TMEM179: variants seen among roughly 807,000 people sequenced by gnomAD.
The protein encoded by TMEM179 is transmembrane protein 179.
TMEM179 carries 17 observed loss-of-function variants against 22.2 expected under a neutral mutation model. The ratio of observed to expected loss-of-function variants is 0.77; its 90% CI spans 0.52 to 1.15. The LOEUF (loss-of-function observed/expected upper bound fraction) is 1.15, where lower values mean the gene tolerates loss of function less well. Ranked by LOEUF, TMEM179 falls within the 50% of genes most tolerant of loss-of-function variation. TMEM179 has a pLI of 0.00. For synonymous variants in TMEM179, 127 were observed against 140.5 expected, an observed-to-expected ratio of 0.90 and a Z score of 0.68; for missense variants, 265 against 313.6, an observed-to-expected ratio of 0.84 and a Z score of 1.17.
At chr14:104,596,350 C>T (rs574508762) in intron 2 of TMEM179, among the ~76,000 whole-genome samples, 1 of 152,190 alleles carries the variant, frequency 6.6e-6, no homozygotes, top group Non-Finnish European at 1.5e-5. Context: ...CTGTGCTCCA[C>T]TCTGGGGCCC....
chr14:104,596,854 G>C (rs948801278), intron 2 of TMEM179, 136 bp downstream of exon 2: 131 of 1,142,840 alleles, frequency 1.1e-4, no homozygotes, highest in Non-Finnish European at 1.6e-4. Flanking sequence ...CACAGGCAGG[G>C]GCACAGTGCA....
chr14:104,600,139 G>T (rs1887187739), intron 1 of TMEM179, among the ~76,000 whole-genome samples: 1 of 152,224 alleles, frequency 6.6e-6, no homozygotes. Flanking sequence ...GGTTTCCAGG[G>T]ATCCTGCCCA....
At chr14:104,596,151 C>T (rs971056985) in intron 2 of TMEM179, among the ~76,000 whole-genome samples, 3 of 152,244 alleles carry the variant, frequency 2.0e-5, no homozygotes, top group African/African-American at 4.8e-5. Flanking sequence ...GGTGGAGGCA[C>T]GGAACAGACA....
chr14:104,595,262 G>A lies in TMEM179; in HGVS notation c.444-19C>T. On this transcript the variant is annotated intron_variant, in intron 2 of 3. Coordinates refer to ENST00000556573, the MANE Select transcript of TMEM179 (RefSeq NM_001286389.2). This position sits in a 1 kb window ranked among gnomAD's most constrained non-coding sequence, Gnocchi z 5.7. ...TTCACAGCTAAAACAGCAGGACATA[G>A]GGTGGAGGGTGACCACCAGGACAGC... is the stretch of plus-strand genomic sequence containing the variant. 1 of 1,606,896 alleles carries A rather than the reference G, an allele frequency of 6.2e-7. No homozygotes were observed. The highest frequency in any genetic ancestry group is 1.1e-5 in the South Asian group (1 of 90,280).
Position 104,593,404 on chromosome 14 carries a change from C to T in TMEM179, c.*75G>A, listed in dbSNP as rs1886905769. 6.6e-7 allele frequency: 1 copy of T among 1,514,900 alleles called. No individual in the cohort carries two copies. The highest frequency in any genetic ancestry group is 2.0e-5 in the Admixed American group (1 of 50,412). 93.8% of individuals were successfully genotyped at this position (1,514,900 alleles called of 1,614,324 possible). On this transcript the variant is annotated 3_prime_UTR_variant, in exon 4 of 4. Coordinates refer to ENST00000556573, the MANE Select transcript of TMEM179 (RefSeq NM_001286389.2). ...CCAGGGCCCAGGCAGAGCCCCCCAGCTGCTTCCCCAGGCAGGCCCGTGCCC... is the reference window on the plus strand; with the variant it reads ...CCAGGGCCCAGGCAGAGCCCCCCAGTTGCTTCCCCAGGCAGGCCCGTGCCC...
chr14:104,591,684 G>A lies in TMEM179; in HGVS notation c.*1795C>T. 3.2e-6 allele frequency: 1 copy of A among 311,100 alleles called. No homozygotes were observed. Among genetic ancestry groups the A allele is most frequent in the Non-Finnish European group, 6.3e-6 (1 of 159,726 alleles). The allele number at this position is 311,100 out of a possible 1,614,324, so 19.3% of individuals were successfully genotyped here. On this transcript the variant is annotated 3_prime_UTR_variant, in exon 4 of 4. Transcript: ENST00000556573. ...ACCAGGACCCTCCATGTGGACCCAG[G>A]CACGTGGCCTCCAGGAGGCTGGTGC... is the stretch of plus-strand genomic sequence containing the variant.
rs1886837857 is a variant in TMEM179, at chr14:104,591,354, G to A, written c.*2125C>T. ...TGGCTGTGGCCTGGATCAGGGCTGGGCAGAGGGTGAGGCAGGAGCCACCCC... is the reference window on the plus strand; with the variant it reads ...TGGCTGTGGCCTGGATCAGGGCTGGACAGAGGGTGAGGCAGGAGCCACCCC... On this transcript the variant is annotated 3_prime_UTR_variant, in exon 4 of 4. Transcript: ENST00000556573. 10 of 455,958 alleles carry A rather than the reference G, an allele frequency of 2.2e-5. No individual in the cohort carries two copies. The highest frequency in any genetic ancestry group is 3.3e-4 in the Middle Eastern group (1 of 3,046). 28.2% of individuals were successfully genotyped at this position (455,958 alleles called of 1,614,324 possible).
rs1362109102 is a variant in TMEM179, at chr14:104,591,267, G to A, written c.*2212C>T. 1.2e-5 allele frequency: 5 copies of A among 429,492 alleles called. No homozygotes were observed. The highest frequency in any genetic ancestry group is 5.1e-5 in the Admixed American group (2 of 38,914). The allele number at this position is 429,492 out of a possible 1,614,324, so 26.6% of individuals were successfully genotyped here. A position where few individuals can be genotyped will look rare whatever the true frequency, so the allele number is the denominator to read the frequency against. ...GCAGCCCCCAAGAACAGACCCAACC[G>A]GGGCCAAGCCTCAGGTTCCAGAAGC... On this transcript the variant is annotated 3_prime_UTR_variant, in exon 4 of 4. Transcript: ENST00000556573.
intron 3 of TMEM179, chr14:104,594,537 C>T: frequency 1.6e-6 from 2 of 1,231,150 alleles, no homozygotes; most frequent in Non-Finnish European, 1.0e-6. Context: ...TCCAGGGTTC[C>T]CCCTCCGGCC....
Position 104,591,260 on chromosome 14 carries a change from C to A in TMEM179, c.*2219G>T. 1 of 422,900 alleles carries A rather than the reference C, an allele frequency of 2.4e-6. No homozygotes were observed. The allele number at this position is 422,900 out of a possible 1,614,324, so 26.2% of individuals were successfully genotyped here. The stretch of plus-strand genomic sequence containing the variant: ...CAGCAGTGCAGCCCCCAAGAACAGA[C>A]CCAACCGGGGCCAAGCCTCAGGTTC... On this transcript the variant is annotated 3_prime_UTR_variant, in exon 4 of 4. Transcript: ENST00000556573.
At position 104,594,983 on chromosome 14, in the gene TMEM179, T is replaced by C. The variant is rs1886969028; in HGVS notation, c.522+182A>G. The C allele has an allele frequency of 6.4e-6, 9 of 1,395,812 alleles. 1 individual carries two copies. In the South Asian group the frequency reaches 1.2e-4, roughly 19 times the overall value. 86.5% of individuals were successfully genotyped at this position (1,395,812 alleles called of 1,614,324 possible). A position where few individuals can be genotyped will look rare whatever the true frequency, so the allele number is the denominator to read the frequency against. On this transcript the variant is annotated intron_variant, in intron 3 of 3. Coordinates refer to ENST00000556573, the MANE Select transcript of TMEM179 (RefSeq NM_001286389.2). ...CCAAACCCACCTACAAAAGCCCAGC[T>C]CTCCCCCACCTCCTGCAGGAAGCCT...
rs1470613460 is a variant in TMEM179 at position 104,597,117 on chromosome 14, A to G, written c.316T>C (p.Ser106Pro). The change falls in exon 2 of 4, where the codon TCC (serine) becomes CCC (proline). Residue 106 changes from serine (S) to proline (P), a missense_variant. Ser to Pro is a moderately conservative substitution (Grantham distance 74). Coordinates refer to ENST00000556573, the MANE Select transcript of TMEM179 (RefSeq NM_001286389.2). This position sits in a 1 kb window ranked among gnomAD's most constrained non-coding sequence, Gnocchi z 4.8. ...LCKGHEGSFF[S>P]AFLNLLVSAF... The stretch of plus-strand genomic sequence containing the variant: ...CTGACCAGGAGGTTCAGGAAGGCGG[A>G]GAAGAAGGAGCTGCAGCCAGAAACA... The G allele has an allele frequency of 6.3e-7, 1 of 1,596,458 alleles. No homozygotes were observed. The highest frequency in any genetic ancestry group is 8.5e-7 in the Non-Finnish European group (1 of 1,172,746).
intron 1 of TMEM179, among the ~76,000 whole-genome samples, chr14:104,602,072 T>G (rs1887256728): frequency 6.6e-6 from 1 of 152,184 alleles, no homozygotes; most frequent in Non-Finnish European, 1.5e-5. Context: ...GAATCTGTTT[T>G]CTGCCTTTGG....
chr14:104,603,546 ACAGAGGGGGTGGG>A lies in TMEM179; in HGVS notation c.305+878_305+890del, dbSNP rs1170965211. ...GTTCACAGAGGGAGTGGGTGGGCTCACAGAGGGGGTGGGTGGGCTCACAGAGGGGGTGGGTGGG... is the reference window on the plus strand; with the variant it reads ...GTTCACAGAGGGAGTGGGTGGGCTCATGGGCTCACAGAGGGGGTGGGTGGG... On this transcript the variant is annotated intron_variant, in intron 1 of 3. Coordinates refer to ENST00000556573, the MANE Select transcript of TMEM179 (RefSeq NM_001286389.2). Among the ~76,000 whole-genome samples the A allele has an allele frequency of 4.6e-5, 5 of 109,116 alleles. No individual in the cohort carries two copies. In the Admixed American group the frequency reaches 5.0e-4, roughly 11 times the overall value. 71.6% of individuals were successfully genotyped at this position (109,116 alleles called of 152,430 possible). A position where few individuals can be genotyped will look rare whatever the true frequency, so the allele number is the denominator to read the frequency against.
At chr14:104,598,399 C>T (rs1486169312) in intron 1 of TMEM179, among the ~76,000 whole-genome samples, 1 of 152,238 alleles carries the variant, frequency 6.6e-6, no homozygotes, top group Non-Finnish European at 1.5e-5. Flanking sequence ...AGGTGACCCA[C>T]AGAAACAGCT....
chr14:104,596,257 T>C (rs951914787), intron 2 of TMEM179, among the ~76,000 whole-genome samples: 19 of 152,074 alleles, frequency 1.2e-4, no homozygotes, highest in African/African-American at 4.1e-4. Context: ...CTCTGGAGGG[T>C]TCCTGTCTTC....
chr14:104,603,422 C>A (rs1321521536), intron 1 of TMEM179, among the ~76,000 whole-genome samples: 1 of 151,860 alleles, frequency 6.6e-6, no homozygotes, highest in Non-Finnish European at 1.5e-5. Flanking sequence ...AGTGCTCTCC[C>A]GGAACCTCTA....
intron 1 of TMEM179, among the ~76,000 whole-genome samples, chr14:104,599,802 G>A (rs931032230): frequency 1.3e-5 from 2 of 152,118 alleles, no homozygotes; most frequent in African/African-American, 4.8e-5. Flanking sequence ...GCACTCTGAA[G>A]AGCAGGGTCT....
At position 104,595,106 on chromosome 14, in the gene TMEM179, A is replaced by G. The variant is rs768310434; in HGVS notation, c.522+59T>C. 1 of 1,610,902 alleles carries G rather than the reference A, an allele frequency of 6.2e-7. No homozygotes were observed. Among genetic ancestry groups the G allele is most frequent in the South Asian group, 1.1e-5 (1 of 90,532 alleles). On this transcript the variant is annotated intron_variant, in intron 3 of 3. Coordinates refer to ENST00000556573, the MANE Select transcript of TMEM179 (RefSeq NM_001286389.2). This position sits in a 1 kb window ranked among gnomAD's most constrained non-coding sequence, Gnocchi z 5.7. The stretch of plus-strand genomic sequence containing the variant: ...ATGGGGGAGAGCTCAGCAAATGTCC[A>G]GCAGTAAATGGCCCCCTCCCAGCAT...
Sources: gnomAD v4.1 joint callset for allele counts (sites outside exome capture counted in the v4.1 genomes callset) on GRCh38, gnomAD v4.1.1 for gene constraint, Gnocchi (gnomAD v3.1) non-coding constraint, MANE v1.5 for transcripts, NCBI Gene and HGNC (gene_info 2026-07-23, HGNC 2026-07-21) for gene names.